Variants in DDX19B observed in about 807,000 individuals in gnomAD.
DDX19B encodes DEAD-box helicase 19B.
DDX19B carries 27 observed loss-of-function variants against 58.1 expected under a neutral mutation model. That is an observed-to-expected ratio of 0.46 (90% CI 0.34 to 0.64). The LOEUF is 0.64. DDX19B is among the 30% of genes least tolerant of loss of function. DDX19B has a pLI of 0.01. For synonymous variants in DDX19B, 187 were observed against 214.4 expected (o/e 0.87, Z 1.12); for missense variants, 399 against 596.5 (o/e 0.67, Z 3.45).
chr16:70,322,140 G>A (rs1476937139), intron 5 of DDX19B, among the ~76,000 whole-genome samples: 1 of 152,158 alleles, frequency 6.6e-6, no homozygotes, highest in Non-Finnish European at 1.5e-5. Flanking sequence ...GAGCCCAGGA[G>A]TTTGAGACCA....
chr16:70,306,059 G>A (rs1327892364), intron 1 of DDX19B, among the ~76,000 whole-genome samples: 2 of 151,936 alleles, frequency 1.3e-5, no homozygotes, highest in Admixed American at 1.3e-4. Context: ...CACAGCACCC[G>A]GCCTGTTTTT....
chr16:70,292,326 A>G (rs575227316), upstream of DDX19B, among the ~76,000 whole-genome samples: 3 of 151,890 alleles, frequency 2.0e-5, no homozygotes, highest in East Asian at 5.8e-4. Context: ...TTCTATTTCT[A>G]GTAGAGATGA....
intron 5 of DDX19B, among the ~76,000 whole-genome samples, chr16:70,320,574 G>A (rs1962720164): frequency 6.6e-6 from 1 of 151,196 alleles, no homozygotes; most frequent in Non-Finnish European, 1.5e-5. Flanking sequence ...TTGAGACAGA[G>A]TCTCGCTCTG....
At chr16:70,325,148 A>C (rs967874878) in intron 6 of DDX19B, among the ~76,000 whole-genome samples, 3 of 152,222 alleles carry the variant, frequency 2.0e-5, no homozygotes, top group African/African-American at 7.2e-5. Context: ...TTCCAATGGC[A>C]ATAAAAATCC....
intron 2 of DDX19B, among the ~76,000 whole-genome samples, chr16:70,314,389 G>A (rs570665950): frequency 1.2e-4 from 18 of 152,138 alleles, no homozygotes; most frequent in African/African-American, 1.7e-4. Flanking sequence ...GAGGCCGGGC[G>A]CGGTAGCTCA....
chr16:70,321,759 C>T (rs540163675), intron 5 of DDX19B, among the ~76,000 whole-genome samples: 24 of 152,282 alleles, frequency 1.6e-4, no homozygotes, highest in African/African-American at 4.6e-4. Flanking sequence ...TTTGGCCAGG[C>T]GTGGTGGCTC....
chr16:70,302,129 C>T (rs1450135446), intron 1 of DDX19B, among the ~76,000 whole-genome samples: 1 of 151,854 alleles, frequency 6.6e-6, no homozygotes, highest in African/African-American at 2.4e-5. Context: ...CCATGTTGGC[C>T]AGGCTGGTCT....
At position 70,322,433 on chromosome 16, in the gene DDX19B, AAC is replaced by A. The variant is rs1400327878; in HGVS notation, c.390-2148_390-2147del. 3.3e-5 allele frequency among the ~76,000 whole-genome samples: 5 copies of A among 151,724 alleles called. No individual in the cohort carries two copies. The South Asian group carries it at 1.0e-3, about 32-fold the overall frequency. ...TGGCGAAACCCATCTCTACAAAAAAAACACAAAAATAGCCATGCATGGTGGTG... is the reference window on the plus strand; with the variant it reads ...TGGCGAAACCCATCTCTACAAAAAAAACAAAAATAGCCATGCATGGTGGTG... On this transcript the variant is annotated intron_variant, in intron 5 of 11. Coordinates refer to ENST00000288071, the MANE Select transcript of DDX19B (RefSeq NM_007242.7).
At chr16:70,308,247 C>T (rs914548736) in intron 1 of DDX19B, among the ~76,000 whole-genome samples, 9 of 149,926 alleles carry the variant, frequency 6.0e-5, no homozygotes, top group Non-Finnish European at 4.4e-5. Flanking sequence ...GCCACCACAC[C>T]CGGTCTATTT....
chr16:70,329,953 C>A lies in DDX19B; in HGVS notation c.908C>A (p.Thr303Asn). The change falls in exon 9 of 12, where the codon ACC (threonine) becomes AAC (asparagine). Residue 303 changes from threonine to asparagine, a missense_variant. Around this residue, in one of 4 missense-constraint regions of DDX19B, gnomAD observed 198 missense variants for 345.9 expected, o/e 0.57. Coordinates refer to ENST00000288071, the MANE Select transcript of DDX19B (RefSeq NM_007242.7). ...NVIKLKREEE[T>N]LDTIKQYYVL... is the part of the protein sequence containing the mutation. ...ATCAAACTGAAGCGTGAGGAAGAGACCCTGGACACCATCAAGCAGTACTAT... is the reference window on the plus strand; with the variant it reads ...ATCAAACTGAAGCGTGAGGAAGAGAACCTGGACACCATCAAGCAGTACTAT... The A allele has an allele frequency of 1.9e-6, 3 of 1,614,240 alleles. No homozygotes were observed. The highest frequency in any genetic ancestry group is 1.7e-6 in the Non-Finnish European group (2 of 1,180,054).
chr16:70,299,434 G>C, intron 1 of DDX19B, 80 bp downstream of exon 1: 2 of 1,471,428 alleles, frequency 1.4e-6, no homozygotes, highest in African/African-American at 2.8e-5. Flanking sequence ...ATGTTTCCCA[G>C]GTTGATTAGA....
Position 70,314,897 on chromosome 16 carries a change from T to A in DDX19B, c.107-5T>A. ...TTGAATGATGGCCACTTTGTGTCTATAAAGGTGCTGTTGTCAAGACCAATG... is the reference window on the plus strand; with the variant it reads ...TTGAATGATGGCCACTTTGTGTCTAAAAAGGTGCTGTTGTCAAGACCAATG... On this transcript the variant is annotated splice_region_variant and splice_polypyrimidine_tract_variant and intron_variant, in intron 2 of 11. Transcript: ENST00000288071. The A allele has an allele frequency of 2.5e-6, 4 of 1,608,912 alleles. No individual in the cohort carries two copies. The highest frequency in any genetic ancestry group is 3.4e-6 in the Non-Finnish European group (4 of 1,176,616).
At chr16:70,317,754 G>A (rs1453331751) in intron 5 of DDX19B, 166 bp downstream of exon 5, 7 of 444,394 alleles carry the variant, frequency 1.6e-5, no homozygotes, top group Non-Finnish European at 2.8e-5. Context: ...CCTGGGCGAT[G>A]TAGCAAGACC....
rs1963388965 is a variant in DDX19B, at chr16:70,329,886, G to A, written c.841G>A (p.Val281Met). ...TTTCTCCGCCACCTTTGAAGACTCT[G>A]TGTGGAAGTTTGCCCAGAAAGTGGT... Reference protein sequence around the residue: ...LLFSATFEDSVWKFAQKVVPD... With the variant: ...LLFSATFEDSMWKFAQKVVPD... Residue 281 changes from valine (V) to methionine (M), a missense_variant, in exon 9 of 12, where the codon GTG becomes ATG. Val to Met is a conservative substitution (Grantham distance 21). Coordinates refer to ENST00000288071, the MANE Select transcript of DDX19B (RefSeq NM_007242.7). The A allele has an allele frequency of 6.2e-7, 1 of 1,614,238 alleles. No homozygotes were observed. Among genetic ancestry groups the A allele is most frequent in the Middle Eastern group, 1.6e-4 (1 of 6,062 alleles).
In DDX19B at chr16:70,329,407, G is replaced by T. The variant is rs1178044695; in HGVS notation, c.723G>T (p.Leu241=). ...CCAAGAAAATCAAGGTGTTTGTTCT[G>T]GATGAGGCTGATGTCATGATAGCCA... ...IDPKKIKVFV[L]DEADVMIATQ... The change falls in exon 8 of 12, where the codon CTG becomes CTT. Residue 241 remains leucine (L), a synonymous_variant. Coordinates refer to ENST00000288071, the MANE Select transcript of DDX19B (RefSeq NM_007242.7). 1 of 1,613,826 alleles carries T rather than the reference G, an allele frequency of 6.2e-7. No homozygotes were observed. Among genetic ancestry groups the T allele is most frequent in the African/African-American group, 1.3e-5 (1 of 74,828 alleles).
chr16:70,306,807 A>C (rs1457696549), intron 1 of DDX19B, among the ~76,000 whole-genome samples: 1 of 152,174 alleles, frequency 6.6e-6, no homozygotes, highest in Non-Finnish European at 1.5e-5. Flanking sequence ...AGCTTATATC[A>C]CAGTCAATTT....
intron 1 of DDX19B, 32 bp downstream of exon 1, chr16:70,299,386 G>A: frequency 6.3e-7 from 1 of 1,578,880 alleles, no homozygotes; most frequent in South Asian, 1.2e-5. Flanking sequence ...AAGGGTCAGG[G>A]GACTAGTTCT....
At chr16:70,293,422 G>GA (rs199870375), upstream of DDX19B, among the ~76,000 whole-genome samples, 1,007 of 112,884 alleles carry the variant, frequency 8.9e-3, 18 homozygotes, top group African/African-American at 0.03. Context: ...TGTCTCAATT[G>GA]AAAAAAAAAA....
At chr16:70,298,778 T>G (rs1007826317), upstream of DDX19B, among the ~76,000 whole-genome samples, 10 of 152,174 alleles carry the variant, frequency 6.6e-5, no homozygotes, top group African/African-American at 1.9e-4. Flanking sequence ...CAAGATTGCA[T>G]AGTGGTCAAG....
Sources: allele counts gnomAD v4.1 joint callset (sites outside exome capture counted in the v4.1 genomes callset), GRCh38; gene constraint gnomAD v4.1.1; regional missense constraint gnomAD v4.1.1; transcripts MANE v1.5; gene names NCBI Gene and HGNC (gene_info 2026-07-23, HGNC 2026-07-21).